Variants in POLE2 observed in about 807,000 individuals in gnomAD.
POLE2 encodes the protein DNA polymerase epsilon 2, accessory subunit, also known as DNA polymerase epsilon subunit 2.
POLE2 carries 56 observed loss-of-function variants against 79.4 expected under a neutral mutation model. That is an observed-to-expected ratio of 0.71 (90% confidence interval 0.57 to 0.88). POLE2 has a LOEUF of 0.88. Among genes scored for constraint, POLE2 ranks in the 40% least tolerant of loss-of-function variants. The probability of loss-of-function intolerance (pLI) is 0.00; values close to 1 mark genes in which losing one functional copy is unlikely to be tolerated. For synonymous variants in POLE2, 212 were observed against 214.0 expected (o/e 0.99, Z 0.08); for missense variants, 598 against 638.9 (o/e 0.94, Z 0.69).
chr14:49,663,342 G>A lies in POLE2; in HGVS notation c.728C>T (p.Pro243Leu). 1.2e-6 allele frequency: 2 copies of A among 1,608,386 alleles called. No individual in the cohort carries two copies. The highest frequency in any genetic ancestry group is 1.1e-5 in the South Asian group (1 of 90,316). The change falls in exon 10 of 19, where the codon CCA becomes CTA. Residue 243 changes from proline (P) to leucine (L), a missense_variant. Coordinates refer to ENST00000216367, the MANE Select transcript of POLE2 (RefSeq NM_002692.4). ...AGTAGTACTAGAGGGCTCAGTGGGT[G>A]GAAATCCAAAGGCATTGACATGAAA... ...QVFHVNAFGF[P>L]PTEPSSTTRA...
chr14:49,683,464 C>A, intron 2 of POLE2, 129 bp downstream of exon 2: 1 of 518,898 alleles, frequency 1.9e-6, no homozygotes, highest in Admixed American at 3.7e-5. Context: ...AGAAATGCTA[C>A]CATGCATACA....
At chr14:49,677,670 A>G (rs1886382675) in intron 3 of POLE2, 1 of 891,944 alleles carries the variant, frequency 1.1e-6, no homozygotes, top group East Asian at 2.9e-5. Flanking sequence ...ATGTTTGGGG[A>G]AGGCCCTTAC....
intron 10 of POLE2, among the ~76,000 whole-genome samples, chr14:49,662,635 G>C (rs183912114): frequency 1.3e-4 from 20 of 152,348 alleles, no homozygotes; most frequent in Admixed American, 3.9e-4. Flanking sequence ...GAGAATTCAG[G>C]CTCTGTATTG....
chr14:49,685,349 T>A lies in POLE2; in HGVS notation c.69-1656A>T, dbSNP rs550483381. Among the ~76,000 whole-genome samples, 3 of 152,316 alleles carry A rather than the reference T, an allele frequency of 2.0e-5. No individual in the cohort carries two copies. The South Asian group carries it at 6.2e-4, about 32-fold the overall frequency. On this transcript the variant is annotated intron_variant, in intron 1 of 18. Coordinates refer to ENST00000216367, the MANE Select transcript of POLE2 (RefSeq NM_002692.4). The stretch of plus-strand genomic sequence containing the variant: ...AACTGTAACTTAGAACTCTGTGCCA[T>A]CCTTCCACAGAGTTCTAAATACACT...
intron 3 of POLE2, among the ~76,000 whole-genome samples, chr14:49,675,364 A>T (rs1886198470): frequency 6.6e-6 from 1 of 152,114 alleles, no homozygotes; most frequent in Non-Finnish European, 1.5e-5. Flanking sequence ...GATTACAGGC[A>T]TGAGCCACTG....
chr14:49,643,819 T>TA (rs1019963912), intron 18 of POLE2, 149 bp from the exon 19 acceptor site: 2 of 336,684 alleles, frequency 5.9e-6, no homozygotes, highest in Middle Eastern at 8.6e-4. Context: ...AAGGAGACTC[T>TA]AAAAAATAAG....
chr14:49,648,418 G>A (rs1475868102), intron 17 of POLE2, among the ~76,000 whole-genome samples: 1 of 152,146 alleles, frequency 6.6e-6, no homozygotes, highest in Non-Finnish European at 1.5e-5. Flanking sequence ...CAGAAATAAG[G>A]TATATTCAAA....
At chr14:49,679,554 T>C in intron 3 of POLE2, 171 bp downstream of exon 3, 1 of 522,240 alleles carries the variant, frequency 1.9e-6, no homozygotes, top group South Asian at 3.1e-5. Context: ...TAAAGATGAG[T>C]CATTTAATAA....
chr14:49,669,641 T>G, intron 5 of POLE2, 43 bp from the exon 6 acceptor site: 1 of 1,011,684 alleles, frequency 9.9e-7, no homozygotes, highest in Non-Finnish European at 1.6e-6. Flanking sequence ...AAACAGACAT[T>G]TAAATATAAG....
intron 18 of POLE2, among the ~76,000 whole-genome samples, chr14:49,644,640 T>C (rs1883630131): frequency 1.3e-5 from 2 of 152,176 alleles, no homozygotes; most frequent in Non-Finnish European, 2.9e-5. Flanking sequence ...AGTAAATACA[T>C]TATATTTACT....
At chr14:49,653,422 G>A (rs1448449933) in intron 15 of POLE2, among the ~76,000 whole-genome samples, 3 of 152,088 alleles carry the variant, frequency 2.0e-5, no homozygotes, top group African/African-American at 7.2e-5. Flanking sequence ...CTTTCTTAAA[G>A]GATATGTAGT....
intron 10 of POLE2, among the ~76,000 whole-genome samples, chr14:49,660,050 G>C (rs1400459642): frequency 6.6e-6 from 1 of 152,138 alleles, no homozygotes; most frequent in Admixed American, 6.5e-5. Context: ...TTCCAGCCCT[G>C]CAAGTTCCAT....
In POLE2 at chr14:49,663,468, T is replaced by C. The variant is rs529101394; in HGVS notation, c.683-81A>G. 55 of 917,668 alleles carry C rather than the reference T, an allele frequency of 6.0e-5. No individual in the cohort carries two copies. In the African/African-American group the frequency reaches 7.9e-4, roughly 13 times the overall value. 56.8% of individuals were successfully genotyped at this position (917,668 alleles called of 1,614,324 possible). On this transcript the variant is annotated intron_variant, in intron 9 of 18. Transcript: ENST00000216367. ...AAATTATGTTACAACAAAGCAATAA[T>C]GCCAGGCTAGTCTCATGCCCTGTGA...
intron 5 of POLE2, among the ~76,000 whole-genome samples, chr14:49,670,563 A>G (rs2139662909): frequency 6.6e-6 from 1 of 152,292 alleles, no homozygotes; most frequent in South Asian, 2.1e-4. Context: ...CAAGGTCTAG[A>G]AAATGAAAGT....
rs551903975 is a variant in POLE2 at position 49,676,746 on chromosome 14, C to A, written c.246-2319G>T. Among the ~76,000 whole-genome samples the A allele has an allele frequency of 7.2e-5, 11 of 152,334 alleles. No individual in the cohort carries two copies. The South Asian group carries it at 2.3e-3, about 32-fold the overall frequency. The stretch of plus-strand genomic sequence containing the variant: ...CTTTGAGGCCTGACAGGTGTGGGAG[C>A]AGGAGCTGCCCAAAAGTGGGCTGGG... On this transcript the variant is annotated intron_variant, in intron 3 of 18. Transcript: ENST00000216367.
chr14:49,674,793 C>T (rs192562637), intron 3 of POLE2, among the ~76,000 whole-genome samples: 28 of 152,034 alleles, frequency 1.8e-4, no homozygotes, highest in Admixed American at 1.8e-3. Flanking sequence ...CTCAAACTCC[C>T]GACCTCAGGA....
intron 8 of POLE2, 123 bp from the exon 9 acceptor site, chr14:49,664,797 G>C: frequency 1.4e-6 from 1 of 695,918 alleles, no homozygotes; most frequent in Non-Finnish European, 2.5e-6. Context: ...ACTGTGAATA[G>C]ACCACAGCTT....
At chr14:49,664,713 C>T (rs766844306) in intron 8 of POLE2, 39 bp from the exon 9 acceptor site, 18 of 1,299,410 alleles carry the variant, frequency 1.4e-5, no homozygotes, top group East Asian at 6.9e-5. Context: ...ATTCTTGAGG[C>T]AGTAATAAAG....
intron 10 of POLE2, among the ~76,000 whole-genome samples, chr14:49,656,517 T>C (rs1884691306): frequency 6.6e-6 from 1 of 152,206 alleles, no homozygotes; most frequent in Non-Finnish European, 1.5e-5. Context: ...GAATGGCTAA[T>C]CCTAAGGAAT....
Sources: allele counts gnomAD v4.1 joint callset (sites outside exome capture counted in the v4.1 genomes callset), GRCh38; gene constraint gnomAD v4.1.1; transcripts MANE v1.5; gene names NCBI Gene and HGNC (gene_info 2026-07-23, HGNC 2026-07-21).